The following RC3H1 variants were observed in gnomAD, a reference collection of about 807,000 sequenced individuals.
The protein encoded by RC3H1 is roquin-1.
In RC3H1, 50 loss-of-function variants were observed where a neutral mutation model predicts 138.2. The ratio of observed to expected loss-of-function variants is 0.36; its 90% CI spans 0.29 to 0.46. RC3H1 has a LOEUF of 0.46. RC3H1 is among the 20% of genes least tolerant of loss of function. The probability of loss-of-function intolerance (pLI) is 1.00; values close to 1 mark genes in which losing one functional copy is unlikely to be tolerated. For synonymous variants in RC3H1, 462 were observed against 489.1 expected (o/e 0.94, Z 0.73); for missense variants, 1,031 against 1,388.1 (o/e 0.74, Z 4.09).
intron 1 of RC3H1, among the ~76,000 whole-genome samples, chr1:173,999,302 C>T (rs1010800699): frequency 6.6e-6 from 1 of 151,468 alleles, no homozygotes; most frequent in South Asian, 2.1e-4. Flanking sequence ...ATCACTTGAA[C>T]CTGGGAGGCA....
At position 173,942,326 on chromosome 1, in the gene RC3H1, G is replaced by A. The variant is rs150178368; in HGVS notation, c.3136-946C>T. 5.2e-3 allele frequency among the ~76,000 whole-genome samples: 778 copies of A among 149,354 alleles called. 8 individuals are homozygous for A. The highest frequency in any genetic ancestry group is 0.018 in the African/African-American group (722 of 40,336). On this transcript the variant is annotated intron_variant, in intron 18 of 19. Coordinates refer to ENST00000367696, the MANE Select transcript of RC3H1 (RefSeq NM_172071.4). ...CAGGCACCTGTAATCCCAGCTACTCGGGAGACTGAGGCAGGAGAATCACTG... is the reference window on the plus strand; with the variant it reads ...CAGGCACCTGTAATCCCAGCTACTCAGGAGACTGAGGCAGGAGAATCACTG...
chr1:173,969,800 A>G (rs1660273920), intron 9 of RC3H1, among the ~76,000 whole-genome samples: 1 of 151,886 alleles, frequency 6.6e-6, no homozygotes, highest in Non-Finnish European at 1.5e-5. Context: ...CATCCCTGAA[A>G]TTATCTTGTC....
At chr1:173,991,994 A>C (rs1661305045) in intron 2 of RC3H1, among the ~76,000 whole-genome samples, 1 of 150,274 alleles carries the variant, frequency 6.7e-6, no homozygotes, top group Non-Finnish European at 1.5e-5. Context: ...GTTGTGCTAT[A>C]GTTTTTGTCA....
intron 7 of RC3H1, among the ~76,000 whole-genome samples, chr1:173,976,770 A>G (rs1660604627): frequency 6.6e-6 from 1 of 152,220 alleles, no homozygotes; most frequent in South Asian, 2.1e-4. Flanking sequence ...CTGGTTTACT[A>G]AGCAATTTTG....
Position 173,937,529 on chromosome 1 carries a change from A to C in RC3H1, c.*1192T>G, listed in dbSNP as rs533334229. 1.4e-4 allele frequency: 21 copies of C among 152,634 alleles called. No homozygotes were observed. In the East Asian group the frequency reaches 3.5e-3, roughly 25 times the overall value. The allele number at this position is 152,634 out of a possible 1,614,324, so 9.5% of individuals were successfully genotyped here. A position where few individuals can be genotyped will look rare whatever the true frequency, so the allele number is the denominator to read the frequency against. ...ATGTGCAGCAGAATTAAAAAAAAAA[A>C]AAACCTTACTCTTTTCAATATTTTC... On this transcript the variant is annotated 3_prime_UTR_variant, in exon 20 of 20. Transcript: ENST00000367696.
intron 9 of RC3H1, 129 bp from the exon 10 acceptor site, chr1:173,965,249 T>C (rs2102945019): frequency 1.1e-6 from 1 of 884,396 alleles, no homozygotes. Flanking sequence ...GTGTATATTT[T>C]GCATAAAATC....
In RC3H1 at chr1:173,993,109, C is replaced by T. The variant is rs1661365012; in HGVS notation, c.-124G>A. The T allele has an allele frequency of 1.5e-6, 1 of 670,384 alleles. No homozygotes were observed. The allele number at this position is 670,384 out of a possible 1,614,324, so 41.5% of individuals were successfully genotyped here. A position where few individuals can be genotyped will look rare whatever the true frequency, so the allele number is the denominator to read the frequency against. ...TTTTTTTAAATATCTTCTGTAGATA[C>T]AGTCAGCACATAGTGTGAAATATAA... On this transcript the variant is annotated 5_prime_UTR_variant, in exon 2 of 20. Transcript: ENST00000367696.
chr1:173,941,996 T>A (rs1429840358), intron 18 of RC3H1, among the ~76,000 whole-genome samples: 2 of 146,822 alleles, frequency 1.4e-5, no homozygotes, highest in East Asian at 4.2e-4. Flanking sequence ...CCCAGCACTT[T>A]GGGAGGCTGA....
Position 173,964,035 on chromosome 1 carries a change from T to A in RC3H1, c.1769A>T (p.Asp590Val), listed in dbSNP as rs1313030434. ...TCCTCGAGGATCCTGATAATAAACA[T>A]CCGTCTGTTGTGCTGGATATAACTG... ...GSQLYPAQQT[D>V]VYYQDPRGAA... is the part of the protein sequence containing the mutation. Residue 590 changes from aspartate (D) to valine (V), a missense_variant, in exon 11 of 20, where the codon GAT (aspartate) becomes GTT (valine). Coordinates refer to ENST00000367696, the MANE Select transcript of RC3H1 (RefSeq NM_172071.4). The A allele has an allele frequency of 8.1e-6, 13 of 1,614,138 alleles. No homozygotes were observed. Among genetic ancestry groups the A allele is most frequent in the Admixed American group, 1.7e-5 (1 of 60,006 alleles).
At chr1:173,997,295 ATTAC>A (rs1661478582) in intron 1 of RC3H1, among the ~76,000 whole-genome samples, 1 of 152,170 alleles carries the variant, frequency 6.6e-6, no homozygotes, top group African/African-American at 2.4e-5. Flanking sequence ...GTAATCATGA[ATTAC>A]TTATATAAGT....
At position 173,970,487 on chromosome 1, in the gene RC3H1, CCTGA is replaced by C. The variant is rs1660310456; in HGVS notation, c.1334+14_1334+17del. On this transcript the variant is annotated intron_variant, in intron 9 of 19. Coordinates refer to ENST00000367696, the MANE Select transcript of RC3H1 (RefSeq NM_172071.4). Reference sequence around the variant, plus strand: ...CCACTTACACCTTATTCCAAAGTCTCCTGACTTTCACACTTACTTTTCCAGTTCC... The same window carrying C: ...CCACTTACACCTTATTCCAAAGTCTCCTTTCACACTTACTTTTCCAGTTCC... 2 of 1,537,042 alleles carry C rather than the reference CCTGA, an allele frequency of 1.3e-6. No homozygotes were observed. The highest frequency in any genetic ancestry group is 2.2e-5 in the East Asian group (1 of 44,524).
chr1:173,972,420 G>T, intron 8 of RC3H1, 89 bp downstream of exon 8: 2 of 792,274 alleles, frequency 2.5e-6, no homozygotes, highest in Non-Finnish European at 4.3e-6. Context: ...TTTTGGCTTT[G>T]TATCTGTAGG....
intron 7 of RC3H1, 40 bp downstream of exon 7, chr1:173,978,448 G>C: frequency 6.3e-7 from 1 of 1,593,622 alleles, no homozygotes; most frequent in Non-Finnish European, 8.6e-7. Context: ...CAGCACGAAA[G>C]GCACATATAA....
chr1:173,946,386 G>T, intron 17 of RC3H1, 90 bp downstream of exon 17: 1 of 1,248,444 alleles, frequency 8.0e-7, no homozygotes, highest in South Asian at 1.5e-5. Flanking sequence ...AGACCTTAAA[G>T]TTTTTTGTTC....
chr1:173,954,681 GTTTA>G (rs1659558521), intron 13 of RC3H1, among the ~76,000 whole-genome samples: 1 of 151,972 alleles, frequency 6.6e-6, no homozygotes, highest in African/African-American at 2.4e-5. Flanking sequence ...TTCCATCCAG[GTTTA>G]TTTACTTATT....
chr1:173,975,946 TGTG>T lies in RC3H1; in HGVS notation c.1102+2539_1102+2541del, dbSNP rs756191920. Among the ~76,000 whole-genome samples, 14 of 146,616 alleles carry T rather than the reference TGTG, an allele frequency of 9.5e-5. 1 individual carries two copies. The highest frequency in any genetic ancestry group is 2.1e-4 in the Admixed American group (3 of 14,340). The stretch of plus-strand genomic sequence containing the variant: ...AAAAAAAAAAAAAATACAGTAAATT[TGTG>T]AGTTACATAAATTATATTTGAAGCT... On this transcript the variant is annotated intron_variant, in intron 7 of 19. Coordinates refer to ENST00000367696, the MANE Select transcript of RC3H1 (RefSeq NM_172071.4).
intron 1 of RC3H1, among the ~76,000 whole-genome samples, chr1:174,005,752 A>G (rs1661642146): frequency 6.6e-6 from 1 of 152,176 alleles, no homozygotes; most frequent in African/African-American, 2.4e-5. Flanking sequence ...ATTTAAACCT[A>G]TCTAAAATGT....
chr1:173,964,697 T>A (rs1469202529), intron 10 of RC3H1, 142 bp downstream of exon 10: 8 of 776,698 alleles, frequency 1.0e-5, no homozygotes, highest in Middle Eastern at 7.6e-4. Context: ...AACACTAGCA[T>A]GGGAAATAAA....
chr1:173,971,741 A>G (rs763397641), intron 8 of RC3H1, among the ~76,000 whole-genome samples: 1 of 152,178 alleles, frequency 6.6e-6, no homozygotes, highest in African/African-American at 2.4e-5. Flanking sequence ...CCTGTGTTAG[A>G]TAGGTTAGGA....
Sources: allele counts gnomAD v4.1 joint callset (sites outside exome capture counted in the v4.1 genomes callset), GRCh38; gene constraint gnomAD v4.1.1; transcripts MANE v1.5; gene names NCBI Gene and HGNC (gene_info 2026-07-23, HGNC 2026-07-21).